PPIP5K2: variants seen among roughly 807,000 people sequenced by gnomAD.
PPIP5K2 encodes diphosphoinositol pentakisphosphate kinase 2, also known as inositol hexakisphosphate and diphosphoinositol-pentakisphosphate kinase 2.
PPIP5K2 carries 105 observed loss-of-function variants against 154.6 expected under a neutral mutation model. The ratio of observed to expected loss-of-function variants is 0.68; its 90% CI spans 0.58 to 0.80. PPIP5K2 has a LOEUF of 0.80. PPIP5K2 is among the 30% of genes least tolerant of loss of function. PPIP5K2 has a pLI of 0.00. For missense variants in PPIP5K2, 992 were observed against 1,504.6 expected (o/e 0.66, Z 5.64); for synonymous variants, 480 against 490.3 (o/e 0.98, Z 0.28).
In PPIP5K2 at chr5:103,207,074, T is replaced by C. The variant is rs1251714307; in HGVS notation, c.*5440T>C. 2 of 152,222 alleles carry C rather than the reference T, an allele frequency of 1.3e-5. No individual in the cohort carries two copies. Among genetic ancestry groups the C allele is most frequent in the African/African-American group, 4.8e-5 (2 of 41,422 alleles). 9.4% of individuals were successfully genotyped at this position (152,222 alleles called of 1,614,324 possible). On this transcript the variant is annotated 3_prime_UTR_variant, in exon 31 of 31. Coordinates refer to ENST00000358359, the MANE Select transcript of PPIP5K2 (RefSeq NM_001276277.3). ...TGGTCTAGGAATGCAGCTAGGTTTA[T>C]AGACATGGCCAGCCCAGGGGGTCCT... is the stretch of plus-strand genomic sequence containing the variant.
At chr5:103,169,943 A>G (rs782050752) in intron 19 of PPIP5K2, among the ~76,000 whole-genome samples, 7 of 151,628 alleles carry the variant, frequency 4.6e-5, no homozygotes, top group Non-Finnish European at 8.9e-5. Flanking sequence ...TGTATCACCT[A>G]CTCAGAGGCT....
chr5:103,173,043 C>T (rs1046626377), intron 19 of PPIP5K2, 112 bp from the exon 20 acceptor site: 9 of 842,554 alleles, frequency 1.1e-5, no homozygotes, highest in Non-Finnish European at 1.5e-5. Flanking sequence ...ATCCAACGTT[C>T]AAAAAAGGCT....
intron 13 of PPIP5K2, 58 bp from the exon 14 acceptor site, chr5:103,155,851 T>A: frequency 9.4e-7 from 1 of 1,066,290 alleles, no homozygotes; most frequent in Non-Finnish European, 1.4e-6. Context: ...GGAGCATGAA[T>A]ATGTGAGAAT....
chr5:103,142,215 G>A (rs550397978), intron 5 of PPIP5K2, among the ~76,000 whole-genome samples: 8 of 152,304 alleles, frequency 5.3e-5, no homozygotes, highest in African/African-American at 1.4e-4. Context: ...GAAATCCAGC[G>A]CAGCGCCGGT....
At chr5:103,201,292 G>C (rs1802954574) in intron 30 of PPIP5K2, among the ~76,000 whole-genome samples, 1 of 152,192 alleles carries the variant, frequency 6.6e-6, no homozygotes, top group Non-Finnish European at 1.5e-5. Flanking sequence ...GAAGCATGTA[G>C]AGTAAAATGA....
At position 103,151,019 on chromosome 5, in the gene PPIP5K2, G is replaced by C. The variant is rs27970; in HGVS notation, c.907-234G>C. Among the ~76,000 whole-genome samples, 48,352 of 151,166 alleles carry C rather than the reference G, an allele frequency of 0.32. 7,985 individuals carry two copies. Among genetic ancestry groups the C allele is most frequent in the East Asian group, 0.45 (2,314 of 5,138 alleles). On this transcript the variant is annotated intron_variant, in intron 8 of 30. Coordinates refer to ENST00000358359, the MANE Select transcript of PPIP5K2 (RefSeq NM_001276277.3). The stretch of plus-strand genomic sequence containing the variant: ...CTGTAGCCCCTTATGCGTTATTGTT[G>C]TACATCTACTTTATGATGAAAGACT...
chr5:103,183,477 G>T, intron 25 of PPIP5K2, 70 bp downstream of exon 25: 1 of 1,321,220 alleles, frequency 7.6e-7, no homozygotes, highest in Non-Finnish European at 1.1e-6. Flanking sequence ...TGTCTTTGAG[G>T]ACATCTAATC....
chr5:103,195,721 A>G (rs1801988423), intron 30 of PPIP5K2, among the ~76,000 whole-genome samples: 2 of 152,158 alleles, frequency 1.3e-5, no homozygotes, highest in African/African-American at 4.8e-5. Context: ...AGACAAGAAC[A>G]TGATACTCAT....
At chr5:103,132,558 T>G (rs1430067635) in intron 2 of PPIP5K2, among the ~76,000 whole-genome samples, 1 of 151,998 alleles carries the variant, frequency 6.6e-6, no homozygotes, top group African/African-American at 2.4e-5. Flanking sequence ...AAAAAAAAAT[T>G]AATTAATTAA....
Position 103,169,193 on chromosome 5 carries a change from A to G in PPIP5K2, c.2286+898A>G, listed in dbSNP as rs578116877. Among the ~76,000 whole-genome samples the G allele has an allele frequency of 2.0e-5, 3 of 151,958 alleles. No homozygotes were observed. In the East Asian group the frequency reaches 5.8e-4, roughly 29 times the overall value. Reference sequence around the variant, plus strand: ...AATAAAGGGGTAAGTGGCAAAACATATTGAGATCAGGACTATGTTAGAAGA... The same window carrying G: ...AATAAAGGGGTAAGTGGCAAAACATGTTGAGATCAGGACTATGTTAGAAGA... On this transcript the variant is annotated intron_variant, in intron 19 of 30. Coordinates refer to ENST00000358359, the MANE Select transcript of PPIP5K2 (RefSeq NM_001276277.3).
Position 103,212,719 on chromosome 5 carries a change from A to C in PPIP5K2, c.*11085A>C, listed in dbSNP as rs1317563475. The C allele has an allele frequency of 6.6e-6, 1 of 152,134 alleles. No individual in the cohort carries two copies. The highest frequency in any genetic ancestry group is 1.5e-5 in the Non-Finnish European group (1 of 67,984). The allele number at this position is 152,134 out of a possible 1,614,324, so 9.4% of individuals were successfully genotyped here. The stretch of plus-strand genomic sequence containing the variant: ...AGCTTTGTAAAATAAAGTGATGTTA[A>C]GCTACTATTGTAAAGTTAAAAATTT... On this transcript the variant is annotated 3_prime_UTR_variant, in exon 31 of 31. Transcript: ENST00000358359.
intron 1 of PPIP5K2, 53 bp from the exon 2 acceptor site, chr5:103,129,253 A>T (rs1424791481): frequency 6.4e-6 from 1 of 157,408 alleles, no homozygotes; most frequent in African/African-American, 2.4e-5. Context: ...TATTTTTTAC[A>T]TGAATGTTTT....
intron 5 of PPIP5K2, among the ~76,000 whole-genome samples, chr5:103,140,772 G>T (rs543248663): frequency 2.7e-5 from 4 of 149,546 alleles, no homozygotes; most frequent in African/African-American, 9.8e-5. Context: ...GGAAGGCGGA[G>T]CTTGCAGTGA....
At chr5:103,147,163 C>T (rs1233222552) in intron 6 of PPIP5K2, among the ~76,000 whole-genome samples, 1 of 151,998 alleles carries the variant, frequency 6.6e-6, no homozygotes, top group South Asian at 2.1e-4. Flanking sequence ...CAAGACCAAA[C>T]ATTGTTGGCA....
intron 1 of PPIP5K2, among the ~76,000 whole-genome samples, chr5:103,125,457 G>GTT (rs10642392): frequency 0.066 from 9,497 of 144,056 alleles, 837 homozygotes; most frequent in African/African-American, 0.2. Flanking sequence ...AGCCTGTTCA[G>GTT]TTTTTTTTTT....
At chr5:103,184,430 T>A (rs1217726277) in intron 25 of PPIP5K2, 9 of 360,022 alleles carry the variant, frequency 2.5e-5, no homozygotes, top group Non-Finnish European at 4.1e-5. Context: ...TTCATCTGTC[T>A]TGTTTCATAC....
At chr5:103,200,057 T>TA (rs1802735995) in intron 30 of PPIP5K2, among the ~76,000 whole-genome samples, 1 of 152,212 alleles carries the variant, frequency 6.6e-6, no homozygotes, top group Admixed American at 6.5e-5. Flanking sequence ...TTATTTCTGT[T>TA]ATGTTCCTCC....
intron 1 of PPIP5K2, among the ~76,000 whole-genome samples, chr5:103,125,210 T>C (rs1789445708): frequency 1.3e-5 from 2 of 152,214 alleles, no homozygotes; most frequent in Admixed American, 6.5e-5. Context: ...CGAACTCTAC[T>C]CTCAATCATT....
intron 30 of PPIP5K2, among the ~76,000 whole-genome samples, chr5:103,201,056 A>G (rs1275889611): frequency 6.6e-6 from 1 of 152,232 alleles, no homozygotes; most frequent in Admixed American, 6.5e-5. Context: ...GAGGGATAAG[A>G]TAGAAGATAC....
Sources: gnomAD v4.1 joint callset for allele counts (sites outside exome capture counted in the v4.1 genomes callset) on GRCh38, gnomAD v4.1.1 for gene constraint, MANE v1.5 for transcripts, NCBI Gene and HGNC (gene_info 2026-07-23, HGNC 2026-07-21) for gene names.